The following RANBP2 variants were observed in gnomAD, a reference collection of about 807,000 sequenced individuals.
RANBP2 encodes the protein E3 SUMO-protein ligase RanBP2.
RANBP2 carries 57 observed loss-of-function variants against 303.6 expected under a neutral mutation model. The observed-to-expected ratio is 0.19, with a 90% confidence interval of 0.15 to 0.23. RANBP2 has a LOEUF of 0.23. RANBP2 is among the 10% of genes least tolerant of loss of function. The probability of loss-of-function intolerance (pLI) is 1.00; values close to 1 mark genes in which losing one functional copy is unlikely to be tolerated. For missense variants in RANBP2, 3,138 were observed against 3,780.8 expected (o/e 0.83, Z 4.46); for synonymous variants, 1,167 against 1,301.5 (o/e 0.90, Z 2.23).
At chr2:109,406,835 G>A in the RANBP2 span, among the ~76,000 whole-genome samples, 5 of 152,160 alleles carry the variant, frequency 3.3e-5, no homozygotes, top group Non-Finnish European at 5.9e-5. Flanking sequence ...CTGCTCATGC[G>A]CATTTCAGTG....
chr2:109,343,919 T>C, the RANBP2 span, among the ~76,000 whole-genome samples: 2 of 152,058 alleles, frequency 1.3e-5, no homozygotes, highest in Non-Finnish European at 2.9e-5. Context: ...TTAAAAAATA[T>C]TATTTTTAGA....
chr2:109,168,869 G>A, the RANBP2 span, among the ~76,000 whole-genome samples: 1 of 152,192 alleles, frequency 6.6e-6, no homozygotes, highest in African/African-American at 2.4e-5. Flanking sequence ...ACAAATGAAT[G>A]GAACGCTGCA....
chr2:109,067,097 C>T, the RANBP2 span, among the ~76,000 whole-genome samples: 1 of 150,724 alleles, frequency 6.6e-6, no homozygotes, highest in Non-Finnish European at 1.5e-5. Context: ...AAAAAAAAAA[C>T]AACCTGATGT....
At chr2:109,603,530 C>T in the RANBP2 span, among the ~76,000 whole-genome samples, 5 of 150,894 alleles carry the variant, frequency 3.3e-5, no homozygotes, top group African/African-American at 4.8e-5. Context: ...TGCACCACCG[C>T]GCCCGGCCTC....
the RANBP2 span, among the ~76,000 whole-genome samples, chr2:109,357,895 T>C: frequency 3.9e-5 from 6 of 152,220 alleles, no homozygotes; most frequent in Non-Finnish European, 8.8e-5. Context: ...GTGCATTTGT[T>C]ACAATCAATG....
chr2:109,449,148 G>A, the RANBP2 span: 1 of 1,608,958 alleles, frequency 6.2e-7, no homozygotes, highest in South Asian at 1.1e-5. Flanking sequence ...TCAACCTGCT[G>A]TCTCTCCAAC....
At chr2:109,353,605 G>C in the RANBP2 span, among the ~76,000 whole-genome samples, 9 of 152,164 alleles carry the variant, frequency 5.9e-5, no homozygotes, top group Admixed American at 2.0e-4. Flanking sequence ...TGGCAGGCCT[G>C]CTGGGTGAGA....
the RANBP2 span, chr2:108,878,185 TA>T: frequency 6.6e-6 from 1 of 152,204 alleles, no homozygotes; most frequent in Admixed American, 6.5e-5. Context: ...TAAATAATTA[TA>T]ACTGTTTATA....
chr2:108,907,814 G>T, the RANBP2 span: 1 of 1,610,156 alleles, frequency 6.2e-7, no homozygotes, highest in South Asian at 1.1e-5. Flanking sequence ...GCGGCTGTGA[G>T]GGAGCCACAT....
the RANBP2 span, among the ~76,000 whole-genome samples, chr2:109,357,382 C>T: frequency 3.3e-5 from 5 of 152,138 alleles, no homozygotes; most frequent in Admixed American, 1.3e-4. Flanking sequence ...GAGGTTTCAC[C>T]GTGTTAGCCA....
At chr2:109,538,586 G>T in the RANBP2 span, among the ~76,000 whole-genome samples, 1 of 152,136 alleles carries the variant, frequency 6.6e-6, no homozygotes, top group Non-Finnish European at 1.5e-5. Flanking sequence ...GCATGATCTC[G>T]GCTTACCACG....
chr2:109,208,167 C>G, the RANBP2 span, among the ~76,000 whole-genome samples: 1 of 152,254 alleles, frequency 6.6e-6, no homozygotes, highest in Non-Finnish European at 1.5e-5. Flanking sequence ...AGACAGCATG[C>G]AACTGCCCTG....
chr2:109,451,417 G>GGCC, the RANBP2 span, among the ~76,000 whole-genome samples: 1 of 152,144 alleles, frequency 6.6e-6, no homozygotes, highest in South Asian at 2.1e-4. Flanking sequence ...GGAAAGTGGG[G>GGCC]GCTGTAATAG....
the RANBP2 span, among the ~76,000 whole-genome samples, chr2:109,582,480 T>C: frequency 6.6e-6 from 1 of 152,046 alleles, no homozygotes; most frequent in Non-Finnish European, 1.5e-5. Flanking sequence ...CCAACATGCC[T>C]GGTTAATTTT....
At chr2:108,796,854 T>G in the RANBP2 span, among the ~76,000 whole-genome samples, 3 of 152,072 alleles carry the variant, frequency 2.0e-5, no homozygotes, top group African/African-American at 7.2e-5. Flanking sequence ...AGAGGTTAGT[T>G]AATGGGTACA....
At chr2:109,355,738 A>C in the RANBP2 span, among the ~76,000 whole-genome samples, 4 of 152,144 alleles carry the variant, frequency 2.6e-5, no homozygotes, top group African/African-American at 9.7e-5. Context: ...TGAAGCAGCA[A>C]CTTAACACGC....
chr2:109,614,133 T>A, the RANBP2 span: 7 of 1,203,982 alleles, frequency 5.8e-6, no homozygotes, highest in Non-Finnish European at 6.2e-6. Context: ...GAGCTGGGAC[T>A]CCAGGAAGAC....
rs1414121712 is a variant in RANBP2, at chr2:108,753,142, C to T, written c.1900C>T (p.His634Tyr). 6.2e-7 allele frequency: 1 copy of T among 1,608,696 alleles called. No individual in the cohort carries two copies. Among genetic ancestry groups the T allele is most frequent in the East Asian group, 2.2e-5 (1 of 44,758 alleles). The part of the protein sequence containing the change: ...EPIDPLFKHF[H>Y]SVDIQASEIV... ...TATTGATCCTCTGTTTAAACATTTTCATAGTGTAGACATTCAGGTAACAGA... is the reference window on the plus strand; with the variant it reads ...TATTGATCCTCTGTTTAAACATTTTTATAGTGTAGACATTCAGGTAACAGA... The change falls in exon 13 of 29, where the codon CAT becomes TAT. Residue 634 changes from histidine (H) to tyrosine (Y), a missense_variant. By Grantham distance (83) the His-to-Tyr change is moderately conservative (BLOSUM62 2). Coordinates refer to ENST00000283195, the MANE Select transcript of RANBP2 (RefSeq NM_006267.5).
At chr2:108,997,310 G>A in the RANBP2 span, among the ~76,000 whole-genome samples, 1,860 of 151,876 alleles carry the variant, frequency 0.012, 51 homozygotes, top group African/African-American at 0.042. Flanking sequence ...ATGTGGCGGC[G>A]TGCGCCTGTA....
Sources: gnomAD v4.1 joint callset for allele counts (sites outside exome capture counted in the v4.1 genomes callset) on GRCh38, gnomAD v4.1.1 for gene constraint, MANE v1.5 for transcripts, NCBI Gene and HGNC (gene_info 2026-07-23, HGNC 2026-07-21) for gene names.